The following KDM4B variants were observed in gnomAD, a reference collection of about 807,000 sequenced individuals.
KDM4B encodes the protein lysine demethylase 4B.
Under a neutral mutation model 125.2 loss-of-function variants are expected in KDM4B, and 32 were observed. That is an observed-to-expected ratio of 0.26 (90% CI 0.19 to 0.34). KDM4B has a LOEUF of 0.34. Among genes scored for constraint, KDM4B ranks in the 10% least tolerant of loss-of-function variants. KDM4B has a pLI of 1.00. For missense variants in KDM4B, 1,190 were observed against 1,577.7 expected (o/e 0.75, Z 4.16); for synonymous variants, 721 against 677.9 (o/e 1.06, Z -0.99).
chr19:5,036,902 G>T (rs1008890971), intron 3 of KDM4B, among the ~76,000 whole-genome samples: 1 of 152,214 alleles, frequency 6.6e-6, no homozygotes, highest in South Asian at 2.1e-4. Context: ...CCTCGTTCAC[G>T]CTGCCTGTCA....
intron 2 of KDM4B, among the ~76,000 whole-genome samples, chr19:5,025,640 G>T (rs922849226): frequency 6.6e-6 from 1 of 152,162 alleles, no homozygotes; most frequent in Non-Finnish European, 1.5e-5. Context: ...GTCTAGCCTC[G>T]ATCCTGCCGC....
intron 10 of KDM4B, 139 bp from the exon 11 acceptor site, chr19:5,119,514 C>A: frequency 1.2e-6 from 1 of 863,826 alleles, no homozygotes; most frequent in East Asian, 2.6e-5. Context: ...TTACCCCCGG[C>A]CTCCAGCCAG....
Position 5,032,881 on chromosome 19 carries a change from A to G in KDM4B, c.-10A>G, listed in dbSNP as rs2036503215. On this transcript the variant is annotated 5_prime_UTR_variant, in exon 3 of 23. Coordinates refer to ENST00000159111, the MANE Select transcript of KDM4B (RefSeq NM_015015.3). ...TCCTCCACAGGTGTGCTTCCCGCAC[A>G]GCTGCAGCCATGGGGTCTGAGGACC... 2 of 1,613,676 alleles carry G rather than the reference A, an allele frequency of 1.2e-6. No individual in the cohort carries two copies. Among genetic ancestry groups the G allele is most frequent in the Non-Finnish European group, 1.7e-6 (2 of 1,179,882 alleles).
At chr19:5,150,314 C>A in intron 21 of KDM4B, 44 bp from the exon 22 acceptor site, 1 of 1,503,274 alleles carries the variant, frequency 6.7e-7, no homozygotes, top group Non-Finnish European at 9.1e-7. Context: ...GAGCACCTGC[C>A]ATCCTGGCAG....
chr19:5,060,359 A>C lies in KDM4B; in HGVS notation c.627-10651A>C, dbSNP rs2037547047. 2.1e-5 allele frequency among the ~76,000 whole-genome samples: 3 copies of C among 144,566 alleles called. 1 individual carries two copies. The South Asian group carries it at 6.8e-4, about 33-fold the overall frequency. The allele number at this position is 144,566 out of a possible 152,430, so 94.8% of individuals were successfully genotyped here. A position where few individuals can be genotyped will look rare whatever the true frequency, so the allele number is the denominator to read the frequency against. Reference sequence around the variant, plus strand: ...GAGGCTGAGACAGGAGAATGGCGTGAACCCGGGAGGTGGAGGTTGCAGTGA... The same window carrying C: ...GAGGCTGAGACAGGAGAATGGCGTGCACCCGGGAGGTGGAGGTTGCAGTGA... On this transcript the variant is annotated intron_variant, in intron 6 of 22. Transcript: ENST00000159111.
chr19:5,081,828 C>T lies in KDM4B; in HGVS notation c.781-539C>T, dbSNP rs540378854. 3.9e-5 allele frequency among the ~76,000 whole-genome samples: 6 copies of T among 152,120 alleles called. No individual in the cohort carries two copies. The highest frequency in any genetic ancestry group is 8.8e-5 in the Non-Finnish European group (6 of 68,024). On this transcript the variant is annotated intron_variant, in intron 8 of 22. Coordinates refer to ENST00000159111, the MANE Select transcript of KDM4B (RefSeq NM_015015.3). The surrounding 1 kb of genome is among the most constrained non-coding windows in gnomAD (Gnocchi z 4.2). ...GTGCAGTGGTGGTTCCTTTCTCATG[C>T]GAGGGCAGAAGGTGTCCTGAGCGCG...
intron 9 of KDM4B, among the ~76,000 whole-genome samples, chr19:5,096,515 C>T (rs1320366801): frequency 6.6e-6 from 1 of 152,198 alleles, no homozygotes; most frequent in African/African-American, 2.4e-5. Flanking sequence ...CTGCTGACCT[C>T]AGTGCCCCTG....
intron 17 of KDM4B, 128 bp downstream of exon 17, chr19:5,137,804 A>T (rs1213086797): frequency 9.3e-7 from 1 of 1,076,600 alleles, no homozygotes; most frequent in South Asian, 1.5e-5. Flanking sequence ...TGTGTCATGG[A>T]TGGGGTGGCC....
At chr19:5,084,301 T>C (rs1423520926) in intron 9 of KDM4B, among the ~76,000 whole-genome samples, 1 of 146,492 alleles carries the variant, frequency 6.8e-6, no homozygotes, top group Non-Finnish European at 1.5e-5. Flanking sequence ...ATATATAATT[T>C]ATATATTATG....
intron 11 of KDM4B, among the ~76,000 whole-genome samples, chr19:5,130,582 C>T (rs980609322): frequency 8.5e-5 from 13 of 152,342 alleles, no homozygotes; most frequent in South Asian, 2.1e-4. Flanking sequence ...GTTTTACTTT[C>T]GTCAAAAGCA....
intron 6 of KDM4B, among the ~76,000 whole-genome samples, chr19:5,048,951 G>T (rs979736975): frequency 1.3e-5 from 2 of 152,202 alleles, no homozygotes; most frequent in Non-Finnish European, 2.9e-5. Context: ...TGAGTCAGAC[G>T]TGAGGACTTC....
At chr19:5,104,091 G>A (rs1443584612) in intron 9 of KDM4B, among the ~76,000 whole-genome samples, 1 of 152,182 alleles carries the variant, frequency 6.6e-6, no homozygotes, top group Admixed American at 6.5e-5. Flanking sequence ...CTGCTGGGTG[G>A]GTGGCAGGGA....
intron 1 of KDM4B, among the ~76,000 whole-genome samples, chr19:4,996,907 C>T (rs2035219528): frequency 6.6e-6 from 1 of 152,198 alleles, no homozygotes; most frequent in Non-Finnish European, 1.5e-5. Context: ...GGGTGCTGAG[C>T]AGCAGCCCTG....
intron 6 of KDM4B, among the ~76,000 whole-genome samples, chr19:5,062,096 C>T (rs1006088927): frequency 9.8e-5 from 15 of 152,294 alleles, no homozygotes; most frequent in Admixed American, 7.2e-4. Context: ...GAAAGGGTCT[C>T]ACTCCTCCTC....
chr19:5,074,317 C>T (rs961381253), intron 7 of KDM4B: 10 of 152,320 alleles, frequency 6.6e-5, no homozygotes, highest in African/African-American at 2.2e-4. Context: ...AAAGCCTACC[C>T]GACCCCCCTT....
chr19:5,010,603 T>C (rs1224871733), intron 1 of KDM4B, among the ~76,000 whole-genome samples: 1 of 152,232 alleles, frequency 6.6e-6, no homozygotes, highest in Non-Finnish European at 1.5e-5. Context: ...AGAATTCTTC[T>C]GTGGAGGAAA....
chr19:5,060,775 A>T (rs1416733009), intron 6 of KDM4B, among the ~76,000 whole-genome samples: 5 of 152,146 alleles, frequency 3.3e-5, no homozygotes, highest in African/African-American at 1.2e-4. Context: ...CCGCTGTGTC[A>T]CTGGGCACCT....
chr19:5,113,802 G>T, intron 10 of KDM4B: 1 of 773,768 alleles, frequency 1.3e-6, no homozygotes, highest in Middle Eastern at 6.7e-4. Context: ...ATGGCATCAG[G>T]GTGGGCGCCA....
At chr19:5,127,023 C>A (rs2146040730) in intron 11 of KDM4B, among the ~76,000 whole-genome samples, 1 of 152,316 alleles carries the variant, frequency 6.6e-6, no homozygotes, top group South Asian at 2.1e-4. Context: ...GGTGGAAACC[C>A]CGGCGCTGGG....
Sources: allele counts gnomAD v4.1 joint callset (sites outside exome capture counted in the v4.1 genomes callset), GRCh38; gene constraint gnomAD v4.1.1; non-coding constraint Gnocchi (gnomAD v3.1); transcripts MANE v1.5; gene names NCBI Gene and HGNC (gene_info 2026-07-23, HGNC 2026-07-21).